Variants in CAMTA2 observed in about 807,000 individuals in gnomAD.
The protein encoded by CAMTA2 is calmodulin binding transcription activator 2, also known as calmodulin-binding transcription activator 2.
A neutral mutation model predicts 135.7 loss-of-function variants in CAMTA2; 56 were observed. The ratio of observed to expected loss-of-function variants is 0.41; its 90% CI spans 0.33 to 0.52. The LOEUF is 0.52. Among genes scored for constraint, CAMTA2 ranks in the 20% least tolerant of loss-of-function variants. CAMTA2 has a pLI of 0.16. For missense variants in CAMTA2, 1,358 were observed against 1,553.4 expected (o/e 0.87, Z 2.11); for synonymous variants, 591 against 604.6 (o/e 0.98, Z 0.33).
At chr17:4,968,871 G>A in intron 22 of CAMTA2, 36 bp downstream of exon 22, 2 of 1,612,520 alleles carry the variant, frequency 1.2e-6, no homozygotes, top group Non-Finnish European at 1.7e-6. Flanking sequence ...ACGACGGGTG[G>A]CAACGCAAAA....
Position 4,968,986 on chromosome 17 carries a change from T to C in CAMTA2, c.3471-5A>G. 1.2e-6 allele frequency: 2 copies of C among 1,613,560 alleles called. No individual in the cohort carries two copies. Among genetic ancestry groups the C allele is most frequent in the East Asian group, 4.5e-5 (2 of 44,864 alleles). On this transcript the variant is annotated splice_polypyrimidine_tract_variant and splice_region_variant and intron_variant, in intron 21 of 22. Transcript: ENST00000348066. Reference sequence around the variant, plus strand: ...TTCTTGGTGAGAAAGGAGCCTCTGGTGAAAGAAACAAAAGATGGACCTCAC... The same window carrying C: ...TTCTTGGTGAGAAAGGAGCCTCTGGCGAAAGAAACAAAAGATGGACCTCAC...
In CAMTA2 at chr17:4,973,621, C is replaced by T; in HGVS notation, c.2165G>A (p.Gly722Asp). The T allele has an allele frequency of 6.2e-7, 1 of 1,613,376 alleles. No homozygotes were observed. The highest frequency in any genetic ancestry group is 8.5e-7 in the Non-Finnish European group (1 of 1,179,836). The change falls in exon 13 of 23, where the codon GGC (glycine) becomes GAC (aspartate). Residue 722 changes from glycine to aspartate, a missense_variant. Transcript: ENST00000348066. Reference protein sequence around the residue: ...MSLLHLAAAQGYARLIETLSQ... With the variant: ...MSLLHLAAAQDYARLIETLSQ... The stretch of plus-strand genomic sequence containing the variant: ...CAGGGTCTCGATGAGGCGGGCATAG[C>T]CCTGGGCAGCAGCCAGGTGCAGAAG...
In CAMTA2 at chr17:4,968,240, T is replaced by G; in HGVS notation, c.*516A>C. On this transcript the variant is annotated 3_prime_UTR_variant, in exon 23 of 23. Transcript: ENST00000348066. ...CGTTCCTATGTACACCACCTCCCCT[T>G]CGGCCCTGAGGTCAGTGGCCAGAGT... is the stretch of plus-strand genomic sequence containing the variant. 3.9e-6 allele frequency: 1 copy of G among 255,268 alleles called. No homozygotes were observed. 15.8% of individuals were successfully genotyped at this position (255,268 alleles called of 1,614,324 possible).
Position 4,969,900 on chromosome 17 carries a change from A to T in CAMTA2, c.3189+2T>A. 6.2e-7 allele frequency: 1 copy of T among 1,613,894 alleles called. No individual in the cohort carries two copies. The highest frequency in any genetic ancestry group is 8.5e-7 in the Non-Finnish European group (1 of 1,179,876). On this transcript the variant is annotated splice_donor_variant, in intron 18 of 22. Transcript: ENST00000348066. LOFTEE classifies it high-confidence loss of function. This position sits in a 1 kb window ranked among gnomAD's most constrained non-coding sequence, Gnocchi z 5.6. ...ATTCATCCTGAGACCCCTGCCCCTG[A>T]CCTTGTACTTTCGGAAGGCCGTCTG...
chr17:4,976,472 G>C (rs1317320904), intron 11 of CAMTA2, among the ~76,000 whole-genome samples: 1 of 152,120 alleles, frequency 6.6e-6, no homozygotes, highest in Admixed American at 6.5e-5. Context: ...ACCAAGGCGG[G>C]GTGGATTGCT....
chr17:4,982,297 C>T (rs949533480), intron 5 of CAMTA2, 137 bp from the exon 6 acceptor site: 45 of 656,266 alleles, frequency 6.9e-5, no homozygotes, highest in Non-Finnish European at 1.1e-4. Flanking sequence ...CCCACCTATT[C>T]CCCACCCCTT....
chr17:4,968,090 A>T lies in CAMTA2; in HGVS notation c.*666T>A. ...GCCGGCAGGAGGCCCCCGCCGCGCT[A>T]GAGAACCACAAGCCCGGCCGTGCAG... On this transcript the variant is annotated 3_prime_UTR_variant, in exon 23 of 23. Transcript: ENST00000348066. 1 of 498,598 alleles carries T rather than the reference A, an allele frequency of 2.0e-6. No homozygotes were observed. The highest frequency in any genetic ancestry group is 3.6e-6 in the Non-Finnish European group (1 of 277,468). The allele number at this position is 498,598 out of a possible 1,614,324, so 30.9% of individuals were successfully genotyped here. A position where few individuals can be genotyped will look rare whatever the true frequency, so the allele number is the denominator to read the frequency against.
chr17:4,981,452 A>G (rs1002379554), intron 7 of CAMTA2, 93 bp from the exon 8 acceptor site: 8 of 1,533,940 alleles, frequency 5.2e-6, no homozygotes, highest in Non-Finnish European at 6.2e-6. Flanking sequence ...ATGCTTCAAG[A>G]CTTCTGGCCA....
chr17:4,974,943 A>C (rs1295400488), intron 11 of CAMTA2, among the ~76,000 whole-genome samples: 1 of 152,134 alleles, frequency 6.6e-6, no homozygotes, highest in East Asian at 1.9e-4. Context: ...TGCCCCAAAA[A>C]GCTCAGGGAC....
rs1973301153 is a variant in CAMTA2, at chr17:4,986,378, A to G, written c.-64-92T>C. 4.9e-6 allele frequency: 3 copies of G among 617,408 alleles called. No homozygotes were observed. The African/African-American group carries it at 5.5e-5, about 11-fold the overall frequency. 38.2% of individuals were successfully genotyped at this position (617,408 alleles called of 1,614,324 possible). A position where few individuals can be genotyped will look rare whatever the true frequency, so the allele number is the denominator to read the frequency against. On this transcript the variant is annotated intron_variant, in intron 1 of 22. Transcript: ENST00000348066. ...TAGGGAGTGGGTATAGAACTGGGTC[A>G]TAGTATCTGGGAAGGATGAGGAAAG...
In CAMTA2 at chr17:4,987,252, T is replaced by A. The variant is rs1248279968; in HGVS notation, c.-65+341A>T. On this transcript the variant is annotated intron_variant, in intron 1 of 22. Coordinates refer to ENST00000348066, the MANE Select transcript of CAMTA2 (RefSeq NM_015099.4). Reference sequence around the variant, plus strand: ...CACTCTGGGCGGCCCCCCGGCGGAGTGGTGGTCCCAGGAGAACCTCCGAGG... The same window carrying A: ...CACTCTGGGCGGCCCCCCGGCGGAGAGGTGGTCCCAGGAGAACCTCCGAGG... 3 of 1,339,216 alleles carry A rather than the reference T, an allele frequency of 2.2e-6. No individual in the cohort carries two copies. The African/African-American group carries it at 4.6e-5, about 21-fold the overall frequency. 83.0% of individuals were successfully genotyped at this position (1,339,216 alleles called of 1,614,324 possible).
At position 4,968,291 on chromosome 17, in the gene CAMTA2, G is replaced by C; in HGVS notation, c.*465C>G. 1 of 278,468 alleles carries C rather than the reference G, an allele frequency of 3.6e-6. No individual in the cohort carries two copies. Among genetic ancestry groups the C allele is most frequent in the South Asian group, 4.3e-5 (1 of 23,400 alleles). The allele number at this position is 278,468 out of a possible 1,614,324, so 17.2% of individuals were successfully genotyped here. On this transcript the variant is annotated 3_prime_UTR_variant, in exon 23 of 23. Transcript: ENST00000348066. ...CGGGTGATGGGGTAAGACAGGGCCA[G>C]AGAGGGAGGAAACAGACGCAAACAT...
intron 13 of CAMTA2, 102 bp downstream of exon 13, chr17:4,973,483 A>G: frequency 8.1e-7 from 1 of 1,235,320 alleles, no homozygotes; most frequent in Non-Finnish European, 1.1e-6. Flanking sequence ...CAATGACCCC[A>G]ACTCCCTCTT....
Position 4,986,291 on chromosome 17 carries a change from G to T in CAMTA2, c.-64-5C>A, listed in dbSNP as rs764710969. Reference sequence around the variant, plus strand: ...CGGGGGGAGGGGGAGTCTGTGCTGGGAAGGGAGAGAACAAGGTCATGGCAG... The same window carrying T: ...CGGGGGGAGGGGGAGTCTGTGCTGGTAAGGGAGAGAACAAGGTCATGGCAG... On this transcript the variant is annotated splice_region_variant and splice_polypyrimidine_tract_variant and intron_variant, in intron 1 of 22. Coordinates refer to ENST00000348066, the MANE Select transcript of CAMTA2 (RefSeq NM_015099.4). 8 of 1,253,354 alleles carry T rather than the reference G, an allele frequency of 6.4e-6. No individual in the cohort carries two copies. Among genetic ancestry groups the T allele is most frequent in the Non-Finnish European group, 9.2e-6 (8 of 871,882 alleles). The allele number at this position is 1,253,354 out of a possible 1,614,324, so 77.6% of individuals were successfully genotyped here.
chr17:4,972,389 A>G lies in CAMTA2; in HGVS notation c.2651T>C (p.Leu884Pro). The change falls in exon 16 of 23, where the codon CTT becomes CCT. Residue 884 changes from leucine (L) to proline (P), a missense_variant. By Grantham distance (98) the Leu-to-Pro change is moderately conservative (BLOSUM62 -3). Around this residue, in one of 4 missense-constraint regions of CAMTA2, gnomAD observed 1,077 missense variants for 1,127.5 expected, o/e 0.96. Transcript: ENST00000348066. ...MTMEDMAPGQ[L>P]SSGVPEAPLL... ...GGGGGCTTCTGGGACACCAGAGGAA[A>G]GCTGGCCTGGGGCCATGTCCTCCAT... 6.2e-7 allele frequency: 1 copy of G among 1,614,084 alleles called. No individual in the cohort carries two copies. The highest frequency in any genetic ancestry group is 8.5e-7 in the Non-Finnish European group (1 of 1,179,950).
intron 11 of CAMTA2, 111 bp downstream of exon 11, chr17:4,976,947 A>G: frequency 1.9e-6 from 2 of 1,053,148 alleles, no homozygotes; most frequent in Non-Finnish European, 2.7e-6. Context: ...AAAAAAAAAA[A>G]TGGTAAAGTG....
chr17:4,981,728 T>A lies in CAMTA2; in HGVS notation c.515A>T (p.Glu172Val). 6.2e-7 allele frequency: 1 copy of A among 1,613,242 alleles called. No individual in the cohort carries two copies. Among genetic ancestry groups the A allele is most frequent in the Non-Finnish European group, 8.5e-7 (1 of 1,179,634 alleles). The change falls in exon 7 of 23, where the codon GAG (glutamate) becomes GTG (valine). Residue 172 changes from glutamate to valine, a missense_variant. Physicochemically the swap from Glu to Val is moderately radical, Grantham distance 121. This residue lies in a region of CAMTA2 where 1,077 missense variants were observed against 1,127.5 expected (regional missense o/e 0.96). Coordinates refer to ENST00000348066, the MANE Select transcript of CAMTA2 (RefSeq NM_015099.4). ...CTCCTCCCGGGACCACTTCAGCCAC[T>A]CTCGACGGTCGCTGCTGATGGAACA... ...IFCSISSDRR[E>V]WLKWSREELL...
intron 10 of CAMTA2, 110 bp downstream of exon 10, chr17:4,978,394 C>T: frequency 8.3e-7 from 1 of 1,202,518 alleles, no homozygotes; most frequent in Non-Finnish European, 1.2e-6. Context: ...AGTCCTTGTG[C>T]TCTCAAAACA....
intron 11 of CAMTA2, among the ~76,000 whole-genome samples, chr17:4,975,335 A>C (rs1452507971): frequency 6.6e-6 from 1 of 152,096 alleles, no homozygotes; most frequent in Non-Finnish European, 1.5e-5. Context: ...AGCAAAAAAG[A>C]TAAAGTGAAG....
Sources: gnomAD v4.1 joint callset for allele counts (sites outside exome capture counted in the v4.1 genomes callset) on GRCh38, gnomAD v4.1.1 for gene constraint, gnomAD v4.1.1 regional missense constraint, Gnocchi (gnomAD v3.1) non-coding constraint, MANE v1.5 for transcripts, NCBI Gene and HGNC (gene_info 2026-07-23, HGNC 2026-07-21) for gene names.